The following MARCHF8 variants were observed in gnomAD, a reference collection of about 807,000 sequenced individuals.
The protein encoded by MARCHF8 is membrane associated ring-CH-type finger 8, also known as E3 ubiquitin-protein ligase MARCHF8.
In MARCHF8, 40 loss-of-function variants were observed where a neutral mutation model predicts 51.6. That is an observed-to-expected ratio of 0.77 (90% CI 0.60 to 1.01). MARCHF8 has a LOEUF of 1.01. Ranked by LOEUF, MARCHF8 falls within the 50% of genes least tolerant of loss-of-function variation. The probability of loss-of-function intolerance (pLI) is 0.00; values close to 1 mark genes in which losing one functional copy is unlikely to be tolerated. For missense variants in MARCHF8, 685 were observed against 708.6 expected, an observed-to-expected ratio of 0.97 and a Z score of 0.38; for synonymous variants, 263 against 280.3, an observed-to-expected ratio of 0.94 and a Z score of 0.62.
intron 3 of MARCHF8, among the ~76,000 whole-genome samples, chr10:45,482,745 A>T (rs1181931501): frequency 6.6e-6 from 1 of 151,942 alleles, no homozygotes; most frequent in Non-Finnish European, 1.5e-5. Context: ...ACAGAGCAAG[A>T]CTCTATCTCA....
chr10:45,550,816 C>T (rs1349285218), intron 1 of MARCHF8, among the ~76,000 whole-genome samples: 2 of 152,226 alleles, frequency 1.3e-5, no homozygotes, highest in South Asian at 4.1e-4. Flanking sequence ...AAAACATGTT[C>T]CCCTTTCCCT....
intron 3 of MARCHF8, among the ~76,000 whole-genome samples, chr10:45,483,699 G>A (rs1309920970): frequency 2.0e-5 from 3 of 152,168 alleles, no homozygotes; most frequent in Non-Finnish European, 2.9e-5. Flanking sequence ...TAAAGAATTC[G>A]TGACACATAT....
intron 1 of MARCHF8, among the ~76,000 whole-genome samples, chr10:45,581,365 A>T (rs78999882): frequency 0.035 from 5,353 of 152,302 alleles, 144 homozygotes; most frequent in Non-Finnish European, 0.052. Flanking sequence ...TCTACTGCAC[A>T]GTACAATTCA....
intron 1 of MARCHF8, among the ~76,000 whole-genome samples, chr10:45,571,068 A>C (rs2044423125): frequency 6.6e-6 from 1 of 152,086 alleles, no homozygotes; most frequent in Non-Finnish European, 1.5e-5. Flanking sequence ...TTGATTCTAA[A>C]AGCCTATGAA....
intron 2 of MARCHF8, among the ~76,000 whole-genome samples, chr10:45,514,771 T>G (rs539071109): frequency 3.9e-5 from 6 of 152,220 alleles, no homozygotes; most frequent in Non-Finnish European, 8.8e-5. Flanking sequence ...TGTGCCAACC[T>G]GTCACCCAGA....
upstream of MARCHF8, among the ~76,000 whole-genome samples, chr10:45,539,466 A>G (rs2044020436): frequency 6.6e-6 from 1 of 152,244 alleles, no homozygotes; most frequent in Non-Finnish European, 1.5e-5. Context: ...AATAACTAAG[A>G]GCAAAGCAGA....
At chr10:45,516,177 C>T (rs1266591835) in intron 2 of MARCHF8, among the ~76,000 whole-genome samples, 1 of 152,142 alleles carries the variant, frequency 6.6e-6, no homozygotes, top group Non-Finnish European at 1.5e-5. Flanking sequence ...TCTCTTTTGC[C>T]CTGCGTTCTG....
chr10:45,581,806 G>C (rs981920809), intron 1 of MARCHF8, among the ~76,000 whole-genome samples: 1 of 151,996 alleles, frequency 6.6e-6, no homozygotes, highest in Non-Finnish European at 1.5e-5. Flanking sequence ...CTTAGTTTAC[G>C]GGGAAAGTGT....
chr10:45,561,952 C>T (rs2044316493), intron 1 of MARCHF8, among the ~76,000 whole-genome samples: 1 of 138,496 alleles, frequency 7.2e-6, no homozygotes, highest in Non-Finnish European at 1.6e-5. Flanking sequence ...CAACAAAGTA[C>T]TAAAAACAGC....
chr10:45,469,696 TCTA>T (rs1410285389), intron 3 of MARCHF8, among the ~76,000 whole-genome samples: 3 of 151,674 alleles, frequency 2.0e-5, no homozygotes, highest in Admixed American at 1.3e-4. Flanking sequence ...AAACCCCGTC[TCTA>T]CTAAAAATAC....
chr10:45,478,584 CAATGA>C (rs1426160920), intron 3 of MARCHF8, among the ~76,000 whole-genome samples: 1 of 140,882 alleles, frequency 7.1e-6, no homozygotes, highest in Non-Finnish European at 1.6e-5. Flanking sequence ...AAAAAAAGAT[CAATGA>C]AACAAAAAAT....
At chr10:45,562,641 A>AT (rs1046794447) in intron 1 of MARCHF8, among the ~76,000 whole-genome samples, 2 of 151,916 alleles carry the variant, frequency 1.3e-5, no homozygotes, top group African/African-American at 2.4e-5. Context: ...AGATAAGCTT[A>AT]TTTTTTTTAA....
chr10:45,566,691 T>C (rs939565178), intron 1 of MARCHF8, among the ~76,000 whole-genome samples: 3 of 145,384 alleles, frequency 2.1e-5, no homozygotes, highest in Admixed American at 7.5e-5. Context: ...CTTAGGTTGC[T>C]GGCAAATCTT....
Position 45,461,335 on chromosome 10 carries a change from G to A in MARCHF8, c.1165C>T (p.His389Tyr), listed in dbSNP as rs761710919. ...ATCCACTGCTGCAGGCAGGCCTGGT[G>A]CACGAAGTGGAGGCTTCCTGTGCAG... is the stretch of plus-strand genomic sequence containing the variant. ...CHCTGSLHFV[H>Y]QACLQQWIKS... Residue 389 changes from histidine (H) to tyrosine (Y), a missense_variant, in exon 6 of 8, where the codon CAC becomes TAC. By Grantham distance (83) the His-to-Tyr change is moderately conservative (BLOSUM62 2). Coordinates refer to ENST00000453424, the MANE Select transcript of MARCHF8 (RefSeq NM_001282866.2). 5 of 1,608,120 alleles carry A rather than the reference G, an allele frequency of 3.1e-6. No individual in the cohort carries two copies. The highest frequency in any genetic ancestry group is 1.7e-5 in the Admixed American group (1 of 58,962).
At chr10:45,479,446 A>T (rs560690689) in intron 3 of MARCHF8, among the ~76,000 whole-genome samples, 8 of 152,274 alleles carry the variant, frequency 5.3e-5, no homozygotes, top group African/African-American at 1.9e-4. Context: ...ACAAGATAAG[A>T]ATGCCCGCTG....
chr10:45,533,514 A>G (rs955213767), intron 1 of MARCHF8, among the ~76,000 whole-genome samples: 11 of 152,230 alleles, frequency 7.2e-5, no homozygotes, highest in South Asian at 2.1e-4. Context: ...TGGATCACGT[A>G]CATGTATAAT....
intron 1 of MARCHF8, among the ~76,000 whole-genome samples, chr10:45,585,956 T>C (rs1364246537): frequency 1.3e-5 from 2 of 152,156 alleles, no homozygotes; most frequent in Non-Finnish European, 2.9e-5. Context: ...CCTATGAGTA[T>C]ACATACATTT....
chr10:45,517,733 A>G (rs371043980), intron 2 of MARCHF8, among the ~76,000 whole-genome samples: 14 of 152,248 alleles, frequency 9.2e-5, no homozygotes, highest in Admixed American at 5.9e-4. Context: ...TAGAACTGCT[A>G]TAACTAAAAC....
intron 2 of MARCHF8, among the ~76,000 whole-genome samples, chr10:45,495,207 A>G (rs2043151209): frequency 6.6e-6 from 1 of 152,136 alleles, no homozygotes; most frequent in African/African-American, 2.4e-5. Context: ...TTGCAATATT[A>G]GACATTAAAA....
Sources: allele counts gnomAD v4.1 joint callset (sites outside exome capture counted in the v4.1 genomes callset), GRCh38; gene constraint gnomAD v4.1.1; transcripts MANE v1.5; gene names NCBI Gene and HGNC (gene_info 2026-07-23, HGNC 2026-07-21).